PCDHA13: variants seen among roughly 807,000 people sequenced by gnomAD.
PCDHA13 encodes the protein protocadherin alpha-13.
Under a neutral mutation model 64.8 loss-of-function variants are expected in PCDHA13, and 54 were observed. That is an observed-to-expected ratio of 0.83 (90% CI 0.67 to 1.04). The LOEUF (loss-of-function observed/expected upper bound fraction) is 1.04, where lower values mean the gene tolerates loss of function less well. PCDHA13 is among the 50% of genes least tolerant of loss of function. The pLI, the probability that PCDHA13 is intolerant of heterozygous loss-of-function variation, is 0.00. For missense variants in PCDHA13, 1,248 were observed against 1,254.3 expected (o/e 0.99, Z 0.08); for synonymous variants, 587 against 564.4 (o/e 1.04, Z -0.57).
chr5:140,965,173 G>A (rs1257436786), intron 1 of PCDHA13, among the ~76,000 whole-genome samples: 1 of 152,218 alleles, frequency 6.6e-6, no homozygotes, highest in African/African-American at 2.4e-5. Flanking sequence ...TTTAGTGAGT[G>A]CTTTTTTTGC....
At chr5:140,966,892 C>G (rs782364150) in intron 1 of PCDHA13, 4 of 1,595,414 alleles carry the variant, frequency 2.5e-6, no homozygotes, top group South Asian at 1.1e-5. Flanking sequence ...CTGCGGCCTC[C>G]CAGCTGCGAT....
intron 1 of PCDHA13, among the ~76,000 whole-genome samples, chr5:140,910,377 C>T (rs1053075333): frequency 6.6e-6 from 1 of 152,244 alleles, no homozygotes; most frequent in East Asian, 1.9e-4. Flanking sequence ...GCCCACCTTG[C>T]CTTTGACAGT....
chr5:140,956,960 TAATC>T (rs2307694), intron 1 of PCDHA13, among the ~76,000 whole-genome samples: 47,965 of 151,898 alleles, frequency 0.32, 7,886 homozygotes, highest in East Asian at 0.53. Flanking sequence ...ACACTGTAAT[TAATC>T]AGTCAATTTA....
At position 140,883,343 on chromosome 5, in the gene PCDHA13, A is replaced by G; in HGVS notation, c.1075A>G (p.Ile359Val). Residue 359 changes from isoleucine (I) to valine (V), a missense_variant, in exon 1 of 4, where the codon ATC becomes GTC. Coordinates refer to ENST00000289272, the MANE Select transcript of PCDHA13 (RefSeq NM_018904.3). ...TACCATCACTTCTTTGTCACTCCCC[A>G]TCAGAGAAGACACTCAGCCTAGCGC... ...EVTITSLSLP[I>V]REDTQPSAII... 1 of 1,614,142 alleles carries G rather than the reference A, an allele frequency of 6.2e-7. No individual in the cohort carries two copies. The highest frequency in any genetic ancestry group is 8.5e-7 in the Non-Finnish European group (1 of 1,180,028).
intron 3 of PCDHA13, among the ~76,000 whole-genome samples, chr5:141,000,193 A>G (rs554462748): frequency 2.0e-5 from 3 of 151,958 alleles, no homozygotes; most frequent in Non-Finnish European, 4.4e-5. Flanking sequence ...ATGTGAGAAT[A>G]GTTTTTCACC....
chr5:140,924,391 T>C (rs2081808127), intron 1 of PCDHA13, among the ~76,000 whole-genome samples: 1 of 152,326 alleles, frequency 6.6e-6, no homozygotes, highest in East Asian at 1.9e-4. Flanking sequence ...TTACTACTTA[T>C]ATTGCCTTAT....
At chr5:140,995,571 T>A (rs2097689586) in intron 3 of PCDHA13, among the ~76,000 whole-genome samples, 1 of 152,252 alleles carries the variant, frequency 6.6e-6, no homozygotes, top group Admixed American at 6.5e-5. Flanking sequence ...TATGTCAAGA[T>A]GAGCTATGAG....
In PCDHA13 at chr5:140,882,658, G is replaced by A. The variant is rs2059245402; in HGVS notation, c.390G>A (p.Pro130=). 3 of 1,614,148 alleles carry A rather than the reference G, an allele frequency of 1.9e-6. No homozygotes were observed. The highest frequency in any genetic ancestry group is 1.7e-4 in the Middle Eastern group (1 of 6,060). ...AGGTGAGGGACATTAACGACAACCC[G>A]CCCATATTCCCTGAAAGCAAGAAAC... ...EVKVRDINDN[P]PIFPESKKRI... Residue 130 remains proline, a synonymous_variant, in exon 1 of 4, where the codon CCG becomes CCA. Transcript: ENST00000289272.
intron 1 of PCDHA13, chr5:140,968,917 T>G: frequency 6.2e-7 from 1 of 1,614,216 alleles, no homozygotes; most frequent in Non-Finnish European, 8.5e-7. Flanking sequence ...CAGTGTCTTT[T>G]ATATTTCTTT....
At chr5:141,005,371 T>G (rs35698397) in intron 3 of PCDHA13, among the ~76,000 whole-genome samples, 7,868 of 152,226 alleles carry the variant, frequency 0.052, 247 homozygotes, top group South Asian at 0.11. Flanking sequence ...TAGAATGCCT[T>G]TCCAAGGAGG....
intron 1 of PCDHA13, among the ~76,000 whole-genome samples, chr5:140,956,370 A>G (rs1229960310): frequency 6.6e-6 from 1 of 152,152 alleles, no homozygotes; most frequent in East Asian, 1.9e-4. Context: ...GGGATGTTGA[A>G]TTTTATCGAA....
chr5:140,893,530 A>G (rs2064036357), intron 1 of PCDHA13, among the ~76,000 whole-genome samples: 1 of 152,056 alleles, frequency 6.6e-6, no homozygotes, highest in South Asian at 2.1e-4. Context: ...TCCTTTAAGT[A>G]TTTCTTGTAG....
chr5:141,000,705 G>A (rs912231910), intron 3 of PCDHA13, among the ~76,000 whole-genome samples: 6 of 151,458 alleles, frequency 4.0e-5, no homozygotes, highest in African/African-American at 1.2e-4. Context: ...TGGGATTACA[G>A]GCATGAGCCA....
At chr5:140,920,084 T>C (rs2079442648) in intron 1 of PCDHA13, among the ~76,000 whole-genome samples, 1 of 152,196 alleles carries the variant, frequency 6.6e-6, no homozygotes, top group Non-Finnish European at 1.5e-5. Context: ...AGATTCTCCG[T>C]AGAGCCTCTA....
At chr5:140,975,045 A>G (rs1249490997) in intron 1 of PCDHA13, among the ~76,000 whole-genome samples, 1 of 152,112 alleles carries the variant, frequency 6.6e-6, no homozygotes, top group Non-Finnish European at 1.5e-5. Context: ...GGCTCTTAGG[A>G]AGAATCTACT....
At chr5:140,995,371 C>G (rs143381591) in intron 3 of PCDHA13, among the ~76,000 whole-genome samples, 3 of 152,120 alleles carry the variant, frequency 2.0e-5, no homozygotes, top group Admixed American at 1.3e-4. Flanking sequence ...GGATGATTCA[C>G]GTACTGGGCA....
intron 1 of PCDHA13, among the ~76,000 whole-genome samples, chr5:140,922,214 C>T (rs1554200731): frequency 1.3e-5 from 2 of 152,004 alleles, no homozygotes; most frequent in African/African-American, 4.8e-5. Context: ...CTTTGTAAAA[C>T]ATTTGAACCT....
chr5:141,010,034 A>G lies in PCDHA13; in HGVS notation c.*97A>G. On this transcript the variant is annotated 3_prime_UTR_variant, in exon 4 of 4. Transcript: ENST00000289272. Reference sequence around the variant, plus strand: ...CCTGCTCCTTTTTCCTATCTACATGAGCCCTCTTAGAGACCTCAGAAATCT... The same window carrying G: ...CCTGCTCCTTTTTCCTATCTACATGGGCCCTCTTAGAGACCTCAGAAATCT... 6.3e-7 allele frequency: 1 copy of G among 1,582,208 alleles called. No individual in the cohort carries two copies.
chr5:141,009,449 A>T, intron 3 of PCDHA13, among the ~76,000 whole-genome samples, 178 bp from the exon 4 acceptor site: 1 of 152,184 alleles, frequency 6.6e-6, no homozygotes, highest in Non-Finnish European at 1.5e-5. Context: ...GTCTCAAAAA[A>T]ATTAAACAAA....
Sources: gnomAD v4.1 joint callset for allele counts (sites outside exome capture counted in the v4.1 genomes callset) on GRCh38, gnomAD v4.1.1 for gene constraint, MANE v1.5 for transcripts, NCBI Gene and HGNC (gene_info 2026-07-23, HGNC 2026-07-21) for gene names.